CSRNP3: variants seen among roughly 807,000 people sequenced by gnomAD.
CSRNP3 encodes the protein cysteine/serine-rich nuclear protein 3.
In CSRNP3, 12 loss-of-function variants were observed where a neutral mutation model predicts 48.0. That is an observed-to-expected ratio of 0.25 (90% confidence interval 0.16 to 0.41). The LOEUF (loss-of-function observed/expected upper bound fraction) is 0.41. Among genes scored for constraint, CSRNP3 ranks in the 10% least tolerant of loss-of-function variants. CSRNP3 has a pLI of 1.00. For synonymous variants in CSRNP3, 263 were observed against 269.7 expected (o/e 0.98, Z 0.24); for missense variants, 580 against 724.4 (o/e 0.80, Z 2.29).
chr2:165,633,652 CCTATTCAG>C, intron 4 of CSRNP3, among the ~76,000 whole-genome samples: 1 of 152,176 alleles, frequency 6.6e-6, no homozygotes, highest in East Asian at 1.9e-4. Context: ...ACCATGCTAG[CCTATTCAG>C]CTATTACATG....
In CSRNP3 at chr2:165,520,770, TTA is replaced by T. The variant is rs1161447238; in HGVS notation, c.-24+2821_-24+2822del. Among the ~76,000 whole-genome samples the T allele has an allele frequency of 1.0e-3, 111 of 107,322 alleles. 1 individual carries two copies. The highest frequency in any genetic ancestry group is 1.2e-3 in the Non-Finnish European group (66 of 53,224). The allele number at this position is 107,322 out of a possible 152,430, so 70.4% of individuals were successfully genotyped here. A position where few individuals can be genotyped will look rare whatever the true frequency, so the allele number is the denominator to read the frequency against. ...ATATAAATAGATATATAGAAATATA[TTA>T]TATATATATATTATATATATATATA... On this transcript the variant is annotated intron_variant, in intron 3 of 6. Transcript: ENST00000651982.
At chr2:165,629,586 T>C (rs1686498308) in intron 4 of CSRNP3, among the ~76,000 whole-genome samples, 1 of 152,204 alleles carries the variant, frequency 6.6e-6, no homozygotes, top group Admixed American at 6.5e-5. Context: ...TTGTCCCAGG[T>C]CATTTGGTTA....
intron 1 of CSRNP3, among the ~76,000 whole-genome samples, chr2:165,475,284 T>C (rs986932290): frequency 2.6e-4 from 40 of 152,334 alleles, no homozygotes; most frequent in African/African-American, 8.7e-4. Context: ...TTGCCCCCTG[T>C]GCATCCAAAT....
chr2:165,668,401 C>CTTTTTTTTTTTT (rs71393687), intron 5 of CSRNP3, among the ~76,000 whole-genome samples: 39 of 111,490 alleles, frequency 3.5e-4, no homozygotes, highest in East Asian at 5.4e-4. Flanking sequence ...TTCTTTCTTT[C>CTTTTTTTTTTTT]TTTTTTTTTT....
intron 5 of CSRNP3, among the ~76,000 whole-genome samples, chr2:165,668,895 G>A (rs746512733): frequency 6.6e-6 from 1 of 152,034 alleles, no homozygotes; most frequent in Non-Finnish European, 1.5e-5. Flanking sequence ...CTCAAGCTTT[G>A]GAGTCAAATA....
chr2:165,557,415 G>A (rs1194297565), intron 3 of CSRNP3, among the ~76,000 whole-genome samples: 4 of 152,296 alleles, frequency 2.6e-5, no homozygotes, highest in African/African-American at 9.6e-5. Context: ...CTGGTTTATA[G>A]TATCATATCT....
In CSRNP3 at chr2:165,560,427, T is replaced by C. The variant is rs116068325; in HGVS notation, c.-23-34616T>C. On this transcript the variant is annotated intron_variant, in intron 3 of 6. Transcript: ENST00000651982. ...CTAGCAATCACCTCAACCACAACTT[T>C]TATAACTATCATGAACAATCCTTAT... is the stretch of plus-strand genomic sequence containing the variant. Among the ~76,000 whole-genome samples, 1,181 of 152,316 alleles carry C rather than the reference T, an allele frequency of 7.8e-3. 13 individuals carry two copies. Among genetic ancestry groups the C allele is most frequent in the African/African-American group, 0.027 (1,128 of 41,560 alleles).
chr2:165,616,674 GT>G (rs1248601478), intron 4 of CSRNP3, among the ~76,000 whole-genome samples: 2 of 152,040 alleles, frequency 1.3e-5, no homozygotes, highest in African/African-American at 2.4e-5. Context: ...TTCTGTTACT[GT>G]TTTAAAAATT....
chr2:165,595,005 A>C, intron 3 of CSRNP3, 38 bp from the exon 4 acceptor site: 2 of 1,585,688 alleles, frequency 1.3e-6, no homozygotes, highest in Non-Finnish European at 8.6e-7. Context: ...TCAGCGGTCA[A>C]ATATTTCAAT....
In CSRNP3 at chr2:165,541,012, A is replaced by G. The variant is rs141409678; in HGVS notation, c.-24+23051A>G. Among the ~76,000 whole-genome samples, 3 of 152,164 alleles carry G rather than the reference A, an allele frequency of 2.0e-5. No individual in the cohort carries two copies. In the East Asian group the frequency reaches 5.8e-4, roughly 29 times the overall value. On this transcript the variant is annotated intron_variant, in intron 3 of 6. Coordinates refer to ENST00000651982, the MANE Select transcript of CSRNP3 (RefSeq NM_001172173.2). Reference sequence around the variant, plus strand: ...TATGGCCTTCCAAAGAAAATTTTACATTATAACGTCTTGTATTGCCCCAAC... The same window carrying G: ...TATGGCCTTCCAAAGAAAATTTTACGTTATAACGTCTTGTATTGCCCCAAC...
chr2:165,590,912 G>A (rs1226714702), intron 3 of CSRNP3, among the ~76,000 whole-genome samples: 1 of 150,788 alleles, frequency 6.6e-6, no homozygotes, highest in Non-Finnish European at 1.5e-5. Flanking sequence ...CACAGGGAGT[G>A]GGGTGCTGCT....
intron 2 of CSRNP3, among the ~76,000 whole-genome samples, chr2:165,496,074 C>G (rs1684280196): frequency 6.6e-6 from 1 of 151,940 alleles, no homozygotes; most frequent in Non-Finnish European, 1.5e-5. Context: ...TCCCTCTCCC[C>G]CAGGATTCAA....
At chr2:165,569,802 T>G (rs917916461) in intron 3 of CSRNP3, among the ~76,000 whole-genome samples, 3 of 152,010 alleles carry the variant, frequency 2.0e-5, no homozygotes, top group Non-Finnish European at 2.9e-5. Context: ...GTGGGCATAT[T>G]TTGTAATTTG....
intron 4 of CSRNP3, among the ~76,000 whole-genome samples, chr2:165,598,150 G>A (rs1228505522): frequency 6.6e-6 from 1 of 152,148 alleles, no homozygotes; most frequent in Non-Finnish European, 1.5e-5. Flanking sequence ...GAGGGGTTGG[G>A]GAGGAGAGAG....
chr2:165,599,430 C>G (rs1254885886), intron 4 of CSRNP3, among the ~76,000 whole-genome samples: 1 of 152,056 alleles, frequency 6.6e-6, no homozygotes, highest in African/African-American at 2.4e-5. Context: ...GCTGGGACCA[C>G]AGGTGCACAC....
chr2:165,494,260 A>G (rs890461966), intron 1 of CSRNP3, among the ~76,000 whole-genome samples: 3 of 152,036 alleles, frequency 2.0e-5, no homozygotes, highest in African/African-American at 7.2e-5. Flanking sequence ...CTAGCAACCA[A>G]TTTGATTTTT....
intron 4 of CSRNP3, among the ~76,000 whole-genome samples, chr2:165,611,039 T>C (rs1686127545): frequency 6.6e-6 from 1 of 152,104 alleles, no homozygotes; most frequent in Non-Finnish European, 1.5e-5. Flanking sequence ...TTCTGGAAAT[T>C]TTTCTGGAAC....
chr2:165,582,963 A>C (rs976220282), intron 3 of CSRNP3, among the ~76,000 whole-genome samples: 1 of 152,200 alleles, frequency 6.6e-6, no homozygotes, highest in Non-Finnish European at 1.5e-5. Flanking sequence ...TCCAACAAAA[A>C]TATTTATTAG....
chr2:165,503,408 C>A (rs981472745), intron 2 of CSRNP3, among the ~76,000 whole-genome samples: 4 of 151,808 alleles, frequency 2.6e-5, no homozygotes, highest in Non-Finnish European at 5.9e-5. Context: ...CTTTTTATTA[C>A]ATGCTCTGGT....
Sources: gnomAD v4.1 joint callset for allele counts (sites outside exome capture counted in the v4.1 genomes callset) on GRCh38, gnomAD v4.1.1 for gene constraint, MANE v1.5 for transcripts, NCBI Gene and HGNC (gene_info 2026-07-23, HGNC 2026-07-21) for gene names.